Variants in VGLL4 observed in about 807,000 individuals in gnomAD.
VGLL4 encodes vestigial like family member 4, also known as transcription cofactor vestigial-like protein 4.
In VGLL4, 7 loss-of-function variants were observed where a neutral mutation model predicts 21.0. The ratio of observed to expected loss-of-function variants is 0.33; its 90% CI spans 0.19 to 0.63. VGLL4 has a LOEUF of 0.63. Among genes scored for constraint, VGLL4 ranks in the 20% least tolerant of loss-of-function variants. The probability of loss-of-function intolerance (pLI) is 0.78; values close to 1 mark genes in which losing one functional copy is unlikely to be tolerated. For missense variants in VGLL4, 394 were observed against 425.7 expected (o/e 0.93, Z 0.66); for synonymous variants, 222 against 173.2 (o/e 1.28, Z -2.21).
intron 1 of VGLL4, among the ~76,000 whole-genome samples, chr3:11,621,292 C>G (rs183443683): frequency 6.6e-6 from 1 of 152,102 alleles, no homozygotes; most frequent in Non-Finnish European, 1.5e-5. Context: ...TTCTTCACCC[C>G]GAAAAGAAAC....
At chr3:11,606,485 A>C (rs1053865843) in intron 1 of VGLL4, among the ~76,000 whole-genome samples, 1 of 152,240 alleles carries the variant, frequency 6.6e-6, no homozygotes, top group Non-Finnish European at 1.5e-5. Context: ...GTAGAATTGT[A>C]AAGTGGCATT....
At chr3:11,628,003 G>A in intron 1 of VGLL4, among the ~76,000 whole-genome samples, 1 of 152,102 alleles carries the variant, frequency 6.6e-6, no homozygotes, top group East Asian at 1.9e-4. Flanking sequence ...CTACATGAGA[G>A]GCTTCTGAAG....
At chr3:11,651,521 T>C (rs571405155) in intron 2 of VGLL4, among the ~76,000 whole-genome samples, 1 of 151,112 alleles carries the variant, frequency 6.6e-6, no homozygotes, top group South Asian at 2.1e-4. Flanking sequence ...AACCATTAGC[T>C]AGGATTAATC....
upstream of VGLL4, among the ~76,000 whole-genome samples, chr3:11,720,918 C>T (rs998411200): frequency 6.6e-6 from 1 of 152,006 alleles, no homozygotes; most frequent in Admixed American, 6.5e-5. Flanking sequence ...AGGCCTGATA[C>T]CCGCCCCCCG....
chr3:11,718,606 A>ATT (rs147330107), intron 1 of VGLL4, among the ~76,000 whole-genome samples: 4,290 of 150,508 alleles, frequency 0.029, 205 homozygotes, highest in African/African-American at 0.099. Context: ...AGGCAAATTA[A>ATT]TTTTTTTTTT....
intron 2 of VGLL4, among the ~76,000 whole-genome samples, chr3:11,660,278 G>C (rs1406328743): frequency 1.3e-5 from 2 of 152,254 alleles, no homozygotes; most frequent in East Asian, 3.9e-4. Context: ...GAATCTCTCT[G>C]ATCTACTTCT....
intron 1 of VGLL4, among the ~76,000 whole-genome samples, chr3:11,614,240 C>T (rs1423874871): frequency 1.3e-5 from 2 of 152,258 alleles, no homozygotes; most frequent in East Asian, 3.8e-4. Context: ...TTGTCAGCCT[C>T]AGCCCCAAGA....
chr3:11,644,121 C>A (rs902565040), upstream of VGLL4, among the ~76,000 whole-genome samples: 2 of 152,062 alleles, frequency 1.3e-5, no homozygotes, highest in Admixed American at 6.5e-5. Context: ...GCAGCCAAGC[C>A]GCTGCAAAAC....
chr3:11,681,310 G>T lies in VGLL4; in HGVS notation c.64+21661C>A, dbSNP rs201902659. ...GACGGGGTTTCACCATGTTCGGCAAGATGGTCTCAAACTCCTGACCTTGTG... is the reference window on the plus strand; with the variant it reads ...GACGGGGTTTCACCATGTTCGGCAATATGGTCTCAAACTCCTGACCTTGTG... On this transcript the variant is annotated intron_variant, in intron 2 of 5. Coordinates refer to the VGLL4 transcript ENST00000273038. 1.8e-4 allele frequency among the ~76,000 whole-genome samples: 27 copies of T among 152,334 alleles called. No individual in the cohort carries two copies. In the East Asian group the frequency reaches 5.2e-3, roughly 29 times the overall value.
At chr3:11,639,429 C>T (rs1027668133) in intron 1 of VGLL4, among the ~76,000 whole-genome samples, 6 of 152,228 alleles carry the variant, frequency 3.9e-5, no homozygotes, top group African/African-American at 1.4e-4. Context: ...ACAACAGCCT[C>T]GGAATTTGGA....
rs1188479887 is a variant in VGLL4, at chr3:11,608,505, GGCAGAGAA to G, written c.83-6491_83-6484del. ...CAAGAATCAGCATGTTTATTTCAAT[GGCAGAGAA>G]GTTTAACAGAGAGAAATGAAAAGAG... On this transcript the variant is annotated intron_variant, in intron 1 of 4. Coordinates refer to ENST00000430365, the MANE Select transcript of VGLL4 (RefSeq NM_001128219.3). Among the ~76,000 whole-genome samples, 4 of 152,148 alleles carry G rather than the reference GGCAGAGAA, an allele frequency of 2.6e-5. No individual in the cohort carries two copies. The East Asian group carries it at 7.7e-4, about 29-fold the overall frequency.
intron 1 of VGLL4, among the ~76,000 whole-genome samples, chr3:11,709,228 G>C (rs1276729104): frequency 6.6e-6 from 1 of 151,706 alleles, no homozygotes; most frequent in Non-Finnish European, 1.5e-5. Context: ...ACAAGGTCAG[G>C]AGTTCAAGAC....
chr3:11,670,467 C>T lies in VGLL4; in HGVS notation c.64+32504G>A, dbSNP rs978710794. ...GCCAATTCACCTGCGTCCCAACAGC[C>T]CTTTTGGGAGGTATGCACGCAGCTC... On this transcript the variant is annotated intron_variant, in intron 2 of 5. Coordinates refer to the VGLL4 transcript ENST00000273038. Among the ~76,000 whole-genome samples the T allele has an allele frequency of 3.9e-5, 6 of 152,090 alleles. 1 individual carries two copies. Among genetic ancestry groups the T allele is most frequent in the Admixed American group, 2.6e-4 (4 of 15,270 alleles).
At chr3:11,582,346 T>C (rs753919573) in intron 2 of VGLL4, 3 of 1,584,756 alleles carry the variant, frequency 1.9e-6, no homozygotes, top group Non-Finnish European at 2.6e-6. Context: ...CAAGAAAGCC[T>C]TGGGCCTCAC....
intron 2 of VGLL4, among the ~76,000 whole-genome samples, chr3:11,682,583 G>A (rs1458683270): frequency 6.6e-6 from 1 of 151,964 alleles, no homozygotes; most frequent in Non-Finnish European, 1.5e-5. Context: ...CTCCGATGAA[G>A]AATATAACTT....
chr3:11,557,840 T>TGCAGTCCAGTTGCAA lies in VGLL4; in HGVS notation c.*701_*715dup, dbSNP rs1209673881. ...TAAAATGCCCGTGATTGGTAGAGTC[T>TGCAGTCCAGTTGCAA]GCAGTCCAGTTGCAAGCACCTGAAA... On this transcript the variant is annotated 3_prime_UTR_variant, in exon 5 of 5. Transcript: ENST00000430365. 1 of 152,722 alleles carries TGCAGTCCAGTTGCAA rather than the reference T, an allele frequency of 6.5e-6. No individual in the cohort carries two copies. The highest frequency in any genetic ancestry group is 2.4e-5 in the African/African-American group (1 of 41,414). 9.5% of individuals were successfully genotyped at this position (152,722 alleles called of 1,614,324 possible). A position where few individuals can be genotyped will look rare whatever the true frequency, so the allele number is the denominator to read the frequency against.
chr3:11,644,473 A>G (rs2075756067), upstream of VGLL4, among the ~76,000 whole-genome samples: 1 of 152,166 alleles, frequency 6.6e-6, no homozygotes, highest in South Asian at 2.1e-4. Flanking sequence ...ACAGGTTCAG[A>G]TGGATTAAAT....
chr3:11,584,528 A>G (rs975393903), intron 2 of VGLL4, among the ~76,000 whole-genome samples: 1 of 152,202 alleles, frequency 6.6e-6, no homozygotes, highest in African/African-American at 2.4e-5. Context: ...CACACCAGCG[A>G]AAACAGACAT....
In VGLL4 at chr3:11,673,270, C is replaced by T. The variant is rs538541744; in HGVS notation, c.64+29701G>A. On this transcript the variant is annotated intron_variant, in intron 2 of 5. Transcript: ENST00000273038. ...TAAAATATATATATATACCAAGTAC[C>T]TCAGAATTACAGTATCCATAAAACA... is the stretch of plus-strand genomic sequence containing the variant. Among the ~76,000 whole-genome samples the T allele has an allele frequency of 2.8e-3, 425 of 151,892 alleles. 3 individuals carry two copies. The highest frequency in any genetic ancestry group is 5.4e-3 in the Non-Finnish European group (367 of 67,964).
Sources: allele counts gnomAD v4.1 joint callset (sites outside exome capture counted in the v4.1 genomes callset), GRCh38; gene constraint gnomAD v4.1.1; transcripts MANE v1.5; gene names NCBI Gene and HGNC (gene_info 2026-07-23, HGNC 2026-07-21).